The following HDAC9 variants were observed in gnomAD, a reference collection of about 807,000 sequenced individuals.
HDAC9 encodes MEF-2 interacting transcription repressor (MITR) protein.
Under a neutral mutation model 139.4 loss-of-function variants are expected in HDAC9, and 41 were observed. That is an observed-to-expected ratio of 0.29 (90% CI 0.23 to 0.38). The LOEUF is 0.38. Among genes scored for constraint, HDAC9 ranks in the 10% least tolerant of loss-of-function variants. HDAC9 has a pLI of 1.00. For missense variants in HDAC9, 1,147 were observed against 1,297.0 expected (o/e 0.88, Z 1.78); for synonymous variants, 517 against 476.2 (o/e 1.09, Z -1.12).
intron 21 of HDAC9, among the ~76,000 whole-genome samples, chr7:18,840,683 T>A (rs1796527995): frequency 6.6e-6 from 1 of 152,088 alleles, no homozygotes; most frequent in Non-Finnish European, 1.5e-5. Flanking sequence ...CATTGAACCA[T>A]TTGAGCACAT....
intron 1 of HDAC9, among the ~76,000 whole-genome samples, chr7:18,465,161 A>G (rs1794165878): frequency 6.6e-6 from 1 of 151,958 alleles, no homozygotes; most frequent in Admixed American, 6.6e-5. Context: ...TCTTTTAACA[A>G]ACTCTAAAAT....
At chr7:18,483,960 C>G (rs1343136772) in intron 1 of HDAC9, among the ~76,000 whole-genome samples, 1 of 152,016 alleles carries the variant, frequency 6.6e-6, no homozygotes, top group Non-Finnish European at 1.5e-5. Flanking sequence ...ATGTAATGAT[C>G]TACACAGTTT....
chr7:18,503,061 C>A (rs1798814084), intron 2 of HDAC9, among the ~76,000 whole-genome samples: 2 of 152,138 alleles, frequency 1.3e-5, no homozygotes, highest in African/African-American at 4.8e-5. Context: ...TACATTTTAA[C>A]ATTTTTTTTC....
intron 2 of HDAC9, among the ~76,000 whole-genome samples, chr7:18,576,693 T>A (rs1023785991): frequency 2.7e-5 from 4 of 150,812 alleles, no homozygotes; most frequent in African/African-American, 9.8e-5. Flanking sequence ...GGAAAGATAA[T>A]TTCTATCAAT....
rs1174696249 is a variant in HDAC9, at chr7:18,593,984, C to T, written c.619C>T (p.Pro207Ser). 1 of 1,612,754 alleles carries T rather than the reference C, an allele frequency of 6.2e-7. No individual in the cohort carries two copies. The highest frequency in any genetic ancestry group is 2.2e-5 in the East Asian group (1 of 44,866). ...GTSPSYKYTL[P>S]GAQDAKDDFP... Reference sequence around the variant, plus strand: ...ATCTCCATCCTACAAGTACACATTACCAGGAGCACAAGATGCAAAGGATGA... The same window carrying T: ...ATCTCCATCCTACAAGTACACATTATCAGGAGCACAAGATGCAAAGGATGA... Residue 207 changes from proline to serine, a missense_variant, in exon 6 of 26, where the codon CCA becomes TCA. This residue lies in a region of HDAC9 where 79 missense variants were observed against 65.8 expected (regional missense o/e 1.20). Transcript: ENST00000686413.
intron 24 of HDAC9, among the ~76,000 whole-genome samples, chr7:18,955,175 G>A (rs1338908668): frequency 6.6e-6 from 1 of 152,062 alleles, no homozygotes; most frequent in Non-Finnish European, 1.5e-5. Flanking sequence ...TTCAAATGCT[G>A]GGGTGCACTA....
At chr7:18,168,849 T>C (rs1788179358) in intron 2 of HDAC9, among the ~76,000 whole-genome samples, 1 of 149,168 alleles carries the variant, frequency 6.7e-6, no homozygotes, top group African/African-American at 2.5e-5. Context: ...TGTTAAAAGA[T>C]CACAAGTTCT....
chr7:18,946,167 G>A (rs1782391732), intron 23 of HDAC9, among the ~76,000 whole-genome samples: 2 of 145,182 alleles, frequency 1.4e-5, no homozygotes, highest in Non-Finnish European at 3.0e-5. Flanking sequence ...CTTTTTATGT[G>A]ATATTATCAG....
At chr7:18,764,768 T>G (rs1005872105) in intron 15 of HDAC9, among the ~76,000 whole-genome samples, 2 of 152,138 alleles carry the variant, frequency 1.3e-5, no homozygotes, top group African/African-American at 4.8e-5. Flanking sequence ...ATCCCCCAGT[T>G]CCTCCCAACA....
intron 2 of HDAC9, among the ~76,000 whole-genome samples, chr7:18,189,265 T>C (rs923611078): frequency 2.0e-5 from 3 of 151,830 alleles, no homozygotes; most frequent in African/African-American, 7.3e-5. Flanking sequence ...ACACCGCATG[T>C]TCTCACTCGT....
intron 2 of HDAC9, among the ~76,000 whole-genome samples, chr7:18,197,270 G>A (rs1309759545): frequency 1.3e-5 from 2 of 152,066 alleles, no homozygotes; most frequent in Admixed American, 1.3e-4. Flanking sequence ...GGAGAACCCT[G>A]ACTAATACGC....
chr7:18,604,056 TTTATC>T (rs2128882621), intron 6 of HDAC9, among the ~76,000 whole-genome samples: 1 of 152,254 alleles, frequency 6.6e-6, no homozygotes, highest in African/African-American at 2.4e-5. Flanking sequence ...CTCTTTATCT[TTTATC>T]TTCTGCAATT....
chr7:18,901,172 ACT>A (rs1291146169), intron 22 of HDAC9, among the ~76,000 whole-genome samples: 4 of 149,566 alleles, frequency 2.7e-5, no homozygotes, highest in East Asian at 3.9e-4. Flanking sequence ...AACAGATCAG[ACT>A]CTCTTTCTCT....
chr7:18,976,681 C>T (rs1195150660), intron 25 of HDAC9, among the ~76,000 whole-genome samples: 4 of 152,160 alleles, frequency 2.6e-5, no homozygotes, highest in Admixed American at 2.6e-4. Context: ...TCATTCAGTT[C>T]TACAGAAAAT....
intron 1 of HDAC9, among the ~76,000 whole-genome samples, chr7:18,135,251 CTTTCT>C (rs972469414): frequency 4.7e-5 from 5 of 107,286 alleles, no homozygotes; most frequent in African/African-American, 1.8e-4. Context: ...GCAAAAATTT[CTTTCT>C]TTTTTTTTTT....
At chr7:18,910,068 T>C (rs1416169466) in intron 22 of HDAC9, among the ~76,000 whole-genome samples, 2 of 151,980 alleles carry the variant, frequency 1.3e-5, no homozygotes, top group African/African-American at 4.8e-5. Context: ...CCCCAACTAT[T>C]GTTGTATTGG....
At chr7:18,167,319 T>C (rs1195546905) in intron 2 of HDAC9, among the ~76,000 whole-genome samples, 1 of 152,210 alleles carries the variant, frequency 6.6e-6, no homozygotes, top group Non-Finnish European at 1.5e-5. Flanking sequence ...ATTTTATTCA[T>C]TCTCTAGTTT....
chr7:18,667,216 A>C (rs1022756348), intron 12 of HDAC9: 1 of 985,240 alleles, frequency 1.0e-6, no homozygotes, highest in Non-Finnish European at 1.2e-6. Context: ...CTGTCTATCA[A>C]AAAAGAGCAA....
At chr7:18,247,313 A>G (rs914951394) in intron 2 of HDAC9, among the ~76,000 whole-genome samples, 2 of 152,072 alleles carry the variant, frequency 1.3e-5, no homozygotes, top group Admixed American at 6.6e-5. Context: ...GCACTGGGGC[A>G]TATTCTCCTT....
Sources: gnomAD v4.1 joint callset for allele counts (sites outside exome capture counted in the v4.1 genomes callset) on GRCh38, gnomAD v4.1.1 for gene constraint, gnomAD v4.1.1 regional missense constraint, MANE v1.5 for transcripts, NCBI Gene and HGNC (gene_info 2026-07-23, HGNC 2026-07-21) for gene names.